The following GABRB3 variants were observed in gnomAD, a reference collection of about 807,000 sequenced individuals.
GABRB3 encodes gamma-aminobutyric acid receptor subunit beta-3.
Under a neutral mutation model 52.1 loss-of-function variants are expected in GABRB3, and 14 were observed. The ratio of observed to expected loss-of-function variants is 0.27; its 90% CI spans 0.18 to 0.42. The LOEUF is 0.42. GABRB3 is among the 10% of genes least tolerant of loss of function. GABRB3 has a pLI of 1.00. For missense variants in GABRB3, 307 were observed against 609.1 expected (o/e 0.50, Z 5.22); for synonymous variants, 260 against 232.3 (o/e 1.12, Z -1.08).
At chr15:26,575,498 G>C (rs1890563676) in intron 6 of GABRB3, among the ~76,000 whole-genome samples, 1 of 152,066 alleles carries the variant, frequency 6.6e-6, no homozygotes, top group South Asian at 2.1e-4. Context: ...TCCTTTTAAT[G>C]TTTCATCTAT....
intron 3 of GABRB3, among the ~76,000 whole-genome samples, chr15:26,750,648 A>G (rs1173532989): frequency 6.6e-6 from 1 of 152,180 alleles, no homozygotes; most frequent in African/African-American, 2.4e-5. Flanking sequence ...TTATGAAGAG[A>G]AAAGTTAATG....
At chr15:26,582,719 C>T (rs1285424372) in intron 5 of GABRB3, among the ~76,000 whole-genome samples, 3 of 152,128 alleles carry the variant, frequency 2.0e-5, no homozygotes, top group Non-Finnish European at 4.4e-5. Flanking sequence ...TATTGACAAG[C>T]CTAAATCCAA....
chr15:26,772,980 G>T lies in GABRB3; in HGVS notation c.-18C>A. On this transcript the variant is annotated 5_prime_UTR_variant, in exon 1 of 9. Coordinates refer to ENST00000311550, the MANE Select transcript of GABRB3 (RefSeq NM_000814.6). ...CCCCACATCCCTCCGCCGCGCCCCG[G>T]CACGGGGGAGGGGGCGCCCCGCCGC... is the stretch of plus-strand genomic sequence containing the variant. The T allele has an allele frequency of 7.2e-7, 1 of 1,391,832 alleles. No individual in the cohort carries two copies. The highest frequency in any genetic ancestry group is 1.5e-5 in the South Asian group (1 of 68,212). The allele number at this position is 1,391,832 out of a possible 1,614,324, so 86.2% of individuals were successfully genotyped here. A position where few individuals can be genotyped will look rare whatever the true frequency, so the allele number is the denominator to read the frequency against.
chr15:26,762,558 A>C (rs569586669), intron 3 of GABRB3, among the ~76,000 whole-genome samples: 1 of 152,334 alleles, frequency 6.6e-6, no homozygotes, highest in East Asian at 1.9e-4. Flanking sequence ...TATCTGGAAA[A>C]CGTTGAATTC....
intron 3 of GABRB3, among the ~76,000 whole-genome samples, chr15:26,711,513 T>A (rs1889295110): frequency 6.6e-6 from 1 of 152,232 alleles, no homozygotes; most frequent in South Asian, 2.1e-4. Flanking sequence ...ATGAATGTAT[T>A]CTATTGTGTG....
chr15:26,703,477 C>T (rs1265898668), intron 3 of GABRB3, among the ~76,000 whole-genome samples: 4 of 152,170 alleles, frequency 2.6e-5, no homozygotes, highest in Non-Finnish European at 5.9e-5. Flanking sequence ...GCCCCCTAAA[C>T]GCTGTCCTTT....
At chr15:26,736,283 C>T (rs1443201011) in intron 3 of GABRB3, among the ~76,000 whole-genome samples, 1 of 152,166 alleles carries the variant, frequency 6.6e-6, no homozygotes, top group Non-Finnish European at 1.5e-5. Context: ...AAATAAGCTA[C>T]TTACATAAGG....
At chr15:26,588,475 G>A (rs1020838217) in intron 4 of GABRB3, among the ~76,000 whole-genome samples, 3 of 152,174 alleles carry the variant, frequency 2.0e-5, no homozygotes, top group Admixed American at 6.5e-5. Flanking sequence ...GCTTGACCAC[G>A]TTCCCAATGC....
intron 8 of GABRB3, among the ~76,000 whole-genome samples, chr15:26,558,677 T>C (rs972817890): frequency 7.2e-5 from 11 of 151,844 alleles, no homozygotes; most frequent in African/African-American, 2.4e-4. Flanking sequence ...CCAAGGCAGG[T>C]GGATCATCTG....
At chr15:26,674,542 A>G (rs1264963797) in intron 3 of GABRB3, among the ~76,000 whole-genome samples, 2 of 152,048 alleles carry the variant, frequency 1.3e-5, no homozygotes, top group Admixed American at 6.6e-5. Flanking sequence ...AGAGAGGAAT[A>G]TAAGACCCTG....
At chr15:26,742,872 A>G (rs1890244650) in intron 3 of GABRB3, among the ~76,000 whole-genome samples, 3 of 151,082 alleles carry the variant, frequency 2.0e-5, no homozygotes. Context: ...TAATTTGGGA[A>G]TGACTAGTAT....
At chr15:26,696,265 G>A (rs1159802009) in intron 3 of GABRB3, among the ~76,000 whole-genome samples, 1 of 151,968 alleles carries the variant, frequency 6.6e-6, no homozygotes, top group Non-Finnish European at 1.5e-5. Flanking sequence ...ATAGTCACCT[G>A]TTTTTAATGC....
At position 26,567,737 on chromosome 15, in the gene GABRB3, T is replaced by C. The variant is rs776560822; in HGVS notation, c.683-4A>G. On this transcript the variant is annotated splice_polypyrimidine_tract_variant and splice_region_variant and intron_variant, in intron 6 of 8. Coordinates refer to ENST00000311550, the MANE Select transcript of GABRB3 (RefSeq NM_000814.6). The stretch of plus-strand genomic sequence containing the variant: ...AGTGACAGTCGAGGATAGGCACCTA[T>C]GGGAAACAGACAAGGATATTACACT... 8.7e-6 allele frequency: 14 copies of C among 1,613,796 alleles called. No individual in the cohort carries two copies. In the East Asian group the frequency reaches 2.7e-4, roughly 31 times the overall value.
chr15:26,642,559 T>A, intron 3 of GABRB3: 3 of 1,165,372 alleles, frequency 2.6e-6, no homozygotes, highest in Non-Finnish European at 3.4e-6. Context: ...TGAAGGACAC[T>A]TTGAATTACT....
intron 3 of GABRB3, among the ~76,000 whole-genome samples, chr15:26,694,385 A>AC (rs1227670336): frequency 6.6e-6 from 1 of 152,184 alleles, no homozygotes; most frequent in Non-Finnish European, 1.5e-5. Context: ...CCTTACCATG[A>AC]CCCCAACAGG....
chr15:26,679,930 A>G (rs1888186057), intron 3 of GABRB3, among the ~76,000 whole-genome samples: 1 of 152,040 alleles, frequency 6.6e-6, no homozygotes, highest in South Asian at 2.1e-4. Flanking sequence ...TCTTCCCTCT[A>G]TTTCTTTCAT....
At chr15:26,552,030 G>A (rs1274773516) in intron 8 of GABRB3, among the ~76,000 whole-genome samples, 1 of 150,158 alleles carries the variant, frequency 6.7e-6, no homozygotes. Flanking sequence ...TTTTGAGATA[G>A]AGTTTCACTC....
At chr15:26,616,868 T>G (rs537726359) in intron 4 of GABRB3, among the ~76,000 whole-genome samples, 10 of 152,324 alleles carry the variant, frequency 6.6e-5, no homozygotes, top group African/African-American at 2.4e-4. Context: ...AGCTTTTTTA[T>G]GTATTACATA....
intron 3 of GABRB3, among the ~76,000 whole-genome samples, chr15:26,683,010 G>A (rs372190001): frequency 1.3e-5 from 2 of 152,246 alleles, no homozygotes; most frequent in African/African-American, 4.8e-5. Context: ...CCCAGCAGCC[G>A]GCTCACTGGG....
Sources: gnomAD v4.1 joint callset for allele counts (sites outside exome capture counted in the v4.1 genomes callset) on GRCh38, gnomAD v4.1.1 for gene constraint, MANE v1.5 for transcripts, NCBI Gene and HGNC (gene_info 2026-07-23, HGNC 2026-07-21) for gene names.